WDR19: variants seen among roughly 807,000 people sequenced by gnomAD.
The protein encoded by WDR19 is WD repeat domain 19, also known as WD repeat-containing protein 19.
WDR19 carries 121 observed loss-of-function variants against 180.0 expected under a neutral mutation model. That is an observed-to-expected ratio of 0.67 (90% CI 0.58 to 0.78). WDR19 has a LOEUF of 0.78. WDR19 is among the 30% of genes least tolerant of loss of function. The pLI, the probability that WDR19 is intolerant of heterozygous loss-of-function variation, is 0.00. For synonymous variants in WDR19, 497 were observed against 540.7 expected (o/e 0.92, Z 1.12); for missense variants, 1,450 against 1,640.7 (o/e 0.88, Z 2.01).
At chr4:39,195,387 C>CAAAA (rs11372483) in intron 5 of WDR19, among the ~76,000 whole-genome samples, 16 of 141,870 alleles carry the variant, frequency 1.1e-4, no homozygotes, top group South Asian at 2.2e-4. Context: ...AACAAAAAAA[C>CAAAA]AAACAAACAA....
chr4:39,211,659 C>T (rs1310654244), intron 9 of WDR19, among the ~76,000 whole-genome samples: 2 of 152,006 alleles, frequency 1.3e-5, no homozygotes, highest in East Asian at 1.9e-4. Context: ...AAACCAATAC[C>T]ATTTTCAGTC....
At chr4:39,221,785 G>A (rs1399069045) in intron 14 of WDR19, among the ~76,000 whole-genome samples, 5 of 152,038 alleles carry the variant, frequency 3.3e-5, no homozygotes, top group Non-Finnish European at 5.9e-5. Context: ...ACTACTTTTT[G>A]TTTGTCTTTT....
intron 23 of WDR19, among the ~76,000 whole-genome samples, chr4:39,244,808 G>T (rs1732339627): frequency 6.6e-6 from 1 of 152,124 alleles, no homozygotes; most frequent in Non-Finnish European, 1.5e-5. Context: ...AAACCCTGTT[G>T]TCCTAAAAGA....
chr4:39,250,810 G>A (rs989138479), intron 24 of WDR19, among the ~76,000 whole-genome samples: 3 of 152,102 alleles, frequency 2.0e-5, no homozygotes, highest in African/African-American at 7.2e-5. Context: ...GGGATGTGAA[G>A]GACCTCTTCA....
intron 6 of WDR19, among the ~76,000 whole-genome samples, chr4:39,199,935 C>T (rs1727202381): frequency 6.6e-6 from 1 of 152,138 alleles, no homozygotes; most frequent in African/African-American, 2.4e-5. Flanking sequence ...AGATCTTGAA[C>T]TCAGAGTCAA....
At chr4:39,283,110 CAG>C (rs1315722651) in intron 36 of WDR19, among the ~76,000 whole-genome samples, 4 of 152,310 alleles carry the variant, frequency 2.6e-5, no homozygotes, top group Admixed American at 2.0e-4. Context: ...TAAGATTTTT[CAG>C]AGAGGTCTCC....
intron 13 of WDR19, 105 bp from the exon 14 acceptor site, chr4:39,217,876 TGG>T (rs1729233249): frequency 1.4e-6 from 2 of 1,410,224 alleles, no homozygotes; most frequent in Non-Finnish European, 1.9e-6. Context: ...CTCGTAGTCT[TGG>T]GAGCCTGAAT....
At chr4:39,249,830 C>T (rs1312358676) in intron 24 of WDR19, among the ~76,000 whole-genome samples, 3 of 152,040 alleles carry the variant, frequency 2.0e-5, no homozygotes, top group Non-Finnish European at 4.4e-5. Flanking sequence ...CAATAACAGG[C>T]TCTGAAATTG....
intron 20 of WDR19, among the ~76,000 whole-genome samples, chr4:39,236,201 C>A (rs1291852109): frequency 1.3e-5 from 2 of 152,120 alleles, no homozygotes; most frequent in Non-Finnish European, 2.9e-5. Flanking sequence ...TATTGCAACA[C>A]TATTCATAAT....
intron 20 of WDR19, 37 bp from the exon 21 acceptor site, chr4:39,240,240 T>C (rs1731788763): frequency 1.4e-5 from 15 of 1,082,738 alleles, no homozygotes; most frequent in African/African-American, 1.7e-5. Context: ...AAAATATATA[T>C]TAAAATTATT....
At chr4:39,240,631 A>G (rs972829919) in intron 21 of WDR19, among the ~76,000 whole-genome samples, 3 of 152,172 alleles carry the variant, frequency 2.0e-5, no homozygotes, top group African/African-American at 7.2e-5. Context: ...TATGATTTTC[A>G]TAAGGTTTTT....
At chr4:39,276,076 G>C (rs987299033) in intron 33 of WDR19, among the ~76,000 whole-genome samples, 4 of 152,140 alleles carry the variant, frequency 2.6e-5, no homozygotes, top group African/African-American at 9.7e-5. Flanking sequence ...GACATGTGGG[G>C]TTCCTGTTCA....
rs1228169308 is a variant in WDR19, at chr4:39,244,595, G to GA, written c.2645+45dup. 4 of 1,610,600 alleles carry GA rather than the reference G, an allele frequency of 2.5e-6. No individual in the cohort carries two copies. In the African/African-American group the frequency reaches 5.3e-5, roughly 22 times the overall value. ...TTTGTTTCTGAACAGGATTGGAAAT[G>GA]AATGTGCCTCTGGGGTCTCCCCACT... On this transcript the variant is annotated intron_variant, in intron 23 of 36. Transcript: ENST00000399820.
chr4:39,205,992 C>A, intron 9 of WDR19: 1 of 342,200 alleles, frequency 2.9e-6, no homozygotes, highest in Admixed American at 4.4e-5. Flanking sequence ...CCACTGAGTA[C>A]AGCTATAAAA....
intron 35 of WDR19, 33 bp from the exon 36 acceptor site, chr4:39,278,506 T>A (rs962746227): frequency 9.7e-6 from 15 of 1,548,584 alleles, no homozygotes; most frequent in Non-Finnish European, 1.3e-5. Flanking sequence ...TGTTATATAT[T>A]TAATTTACTC....
At chr4:39,263,157 G>A (rs1469099427) in intron 28 of WDR19, among the ~76,000 whole-genome samples, 1 of 142,264 alleles carries the variant, frequency 7.0e-6, no homozygotes, top group East Asian at 2.1e-4. Flanking sequence ...GCCCCTCACT[G>A]GGAGATGATG....
At chr4:39,209,373 A>G (rs776606821) in intron 9 of WDR19, among the ~76,000 whole-genome samples, 2 of 152,222 alleles carry the variant, frequency 1.3e-5, no homozygotes, top group Non-Finnish European at 2.9e-5. Context: ...AAATGTTTAC[A>G]TTAGGGGGAA....
At chr4:39,190,671 G>T (rs560103224) in intron 4 of WDR19, among the ~76,000 whole-genome samples, 1 of 152,172 alleles carries the variant, frequency 6.6e-6, no homozygotes, top group Non-Finnish European at 1.5e-5. Flanking sequence ...GTCATGTAGC[G>T]CAGGATCAGA....
At chr4:39,282,167 C>G (rs981393181) in intron 36 of WDR19, among the ~76,000 whole-genome samples, 1 of 152,146 alleles carries the variant, frequency 6.6e-6, no homozygotes, top group African/African-American at 2.4e-5. Context: ...ATTATCACAT[C>G]ATATCACAAG....
Sources: allele counts gnomAD v4.1 joint callset (sites outside exome capture counted in the v4.1 genomes callset), GRCh38; gene constraint gnomAD v4.1.1; transcripts MANE v1.5; gene names NCBI Gene and HGNC (gene_info 2026-07-23, HGNC 2026-07-21).